The following KIF13A variants were observed in gnomAD, a reference collection of about 807,000 sequenced individuals.
KIF13A encodes the protein kinesin-like protein KIF13A.
KIF13A carries 79 observed loss-of-function variants against 212.2 expected under a neutral mutation model. The observed-to-expected ratio is 0.37, with a 90% CI of 0.31 to 0.45. KIF13A has a LOEUF of 0.45. KIF13A is among the 20% of genes least tolerant of loss of function. The pLI is 1.00. For missense variants in KIF13A, 1,901 were observed against 2,209.0 expected (o/e 0.86, Z 2.79); for synonymous variants, 789 against 808.6 (o/e 0.98, Z 0.41).
rs78745793 is a variant in KIF13A, at chr6:17,844,854, C to T, written c.830+4523G>A. Among the ~76,000 whole-genome samples, 991 of 152,234 alleles carry T rather than the reference C, an allele frequency of 6.5e-3. 14 individuals are homozygous for T. Among genetic ancestry groups the T allele is most frequent in the African/African-American group, 0.022 (915 of 41,544 alleles). On this transcript the variant is annotated intron_variant, in intron 9 of 38. Transcript: ENST00000259711. ...AGAAGTAAGCCATTTTATTTTTCTC[C>T]CTCAATACAAATTCATGTTTTGTTA...
rs1322769156 is a variant in KIF13A, at chr6:17,839,735, G to A, written c.831-2152C>T. On this transcript the variant is annotated intron_variant, in intron 9 of 38. Coordinates refer to ENST00000259711, the MANE Select transcript of KIF13A (RefSeq NM_022113.6). The surrounding 1 kb of genome is among the most constrained non-coding windows in gnomAD (Gnocchi z 4.3). ...AGGTCATATAAAGACACCCAGGGGA[G>A]ACGGCCACGTGAAGATGCAGGCAGA... 6.6e-6 allele frequency among the ~76,000 whole-genome samples: 1 copy of A among 152,126 alleles called. No homozygotes were observed. The highest frequency in any genetic ancestry group is 1.5e-5 in the Non-Finnish European group (1 of 68,030).
chr6:17,861,403 TGAATAATG>T (rs66560056), intron 4 of KIF13A, among the ~76,000 whole-genome samples: 60,254 of 151,586 alleles, frequency 0.4, 12,515 homozygotes, highest in East Asian at 0.58. Context: ...TTCCATTGTA[TGAATAATG>T]GATGCAATCA....
rs1432845228 is a variant in KIF13A, at chr6:17,808,857, C to T, written c.2074G>A (p.Ala692Thr). 1 of 1,613,682 alleles carries T rather than the reference C, an allele frequency of 6.2e-7. No individual in the cohort carries two copies. Among genetic ancestry groups the T allele is most frequent in the African/African-American group, 1.3e-5 (1 of 74,940 alleles). Reference protein sequence around the residue: ...LVKANTLVREANFLAEEMSKL... With the variant: ...LVKANTLVRETNFLAEEMSKL... The stretch of plus-strand genomic sequence containing the variant: ...CTCATTTCCTCAGCCAGGAAGTTTG[C>T]TTCCCTCACCAAGGTATTAGCTTTA... The change falls in exon 18 of 39, where the codon GCA becomes ACA. Residue 692 changes from alanine to threonine, a missense_variant. Ala to Thr is a moderately conservative substitution (Grantham distance 58). This residue lies in a region of KIF13A where 534 missense variants were observed against 536.9 expected (regional missense o/e 0.99). Transcript: ENST00000259711.
At chr6:17,860,121 C>CA (rs1445035940) in intron 4 of KIF13A, among the ~76,000 whole-genome samples, 2 of 152,158 alleles carry the variant, frequency 1.3e-5, no homozygotes. Context: ...CACTGGCAAT[C>CA]AGTTGCTCTC....
chr6:17,959,626 G>T (rs1038653270), intron 2 of KIF13A, among the ~76,000 whole-genome samples: 1 of 152,132 alleles, frequency 6.6e-6, no homozygotes, highest in Non-Finnish European at 1.5e-5. Context: ...TCCTCTTCAG[G>T]CAGAATTGAT....
intron 2 of KIF13A, among the ~76,000 whole-genome samples, chr6:17,960,582 T>C (rs1778731757): frequency 6.6e-6 from 1 of 152,094 alleles, no homozygotes; most frequent in Admixed American, 6.6e-5. Context: ...TCAGTTATAG[T>C]TGGGGTTGGG....
intron 16 of KIF13A, among the ~76,000 whole-genome samples, chr6:17,820,778 T>C (rs2150359011): frequency 6.6e-6 from 1 of 152,260 alleles, no homozygotes; most frequent in South Asian, 2.1e-4. Context: ...CTTTACTTAG[T>C]AGGTAACTAT....
intron 4 of KIF13A, among the ~76,000 whole-genome samples, chr6:17,865,007 C>A (rs1046285789): frequency 1.3e-5 from 2 of 152,126 alleles, no homozygotes; most frequent in Admixed American, 1.3e-4. Context: ...ACTGAAGAGG[C>A]ACAGGATAAA....
chr6:17,909,494 C>T (rs1163303082), intron 2 of KIF13A, among the ~76,000 whole-genome samples: 1 of 145,658 alleles, frequency 6.9e-6, no homozygotes, highest in Non-Finnish European at 1.5e-5. Flanking sequence ...AAGATCACGC[C>T]ACTGCACTCC....
In KIF13A at chr6:17,771,277, A is replaced by T; in HGVS notation, c.4477-59T>A. 1 of 1,071,570 alleles carries T rather than the reference A, an allele frequency of 9.3e-7. No homozygotes were observed. Among genetic ancestry groups the T allele is most frequent in the Non-Finnish European group, 1.4e-6 (1 of 705,334 alleles). The allele number at this position is 1,071,570 out of a possible 1,614,324, so 66.4% of individuals were successfully genotyped here. On this transcript the variant is annotated intron_variant, in intron 37 of 38. Coordinates refer to ENST00000259711, the MANE Select transcript of KIF13A (RefSeq NM_022113.6). The surrounding 1 kb of genome is among the most constrained non-coding windows in gnomAD (Gnocchi z 5.4). ...ACAAAGACGACAACGGCCAAAATAC[A>T]TATTAAGTACATGCAAGTTAGAAAA...
rs1779314299 is a variant in KIF13A at position 17,966,447 on chromosome 6, T to A, written c.146+20607A>T. On this transcript the variant is annotated intron_variant, in intron 2 of 38. Transcript: ENST00000259711. Reference sequence around the variant, plus strand: ...AGTTAATATTCAAGACTCTGAATTTTTTTTTTTTTTTTTTTTGACAGTGAG... The same window carrying A: ...AGTTAATATTCAAGACTCTGAATTTATTTTTTTTTTTTTTTTGACAGTGAG... 2.1e-5 allele frequency among the ~76,000 whole-genome samples: 3 copies of A among 146,042 alleles called. No homozygotes were observed. In the South Asian group the frequency reaches 6.4e-4, roughly 31 times the overall value.
chr6:17,918,755 T>A lies in KIF13A; in HGVS notation c.147-20575A>T, dbSNP rs987449724. On this transcript the variant is annotated intron_variant, in intron 2 of 38. Transcript: ENST00000259711. The surrounding 1 kb of genome is among the most constrained non-coding windows in gnomAD (Gnocchi z 4.8). ...CTCCTCAGAGGAGTGTTCCCCGTAC[T>A]CCCTACATTAATGTTGAGGCTGCCT... Among the ~76,000 whole-genome samples the A allele has an allele frequency of 6.6e-6, 1 of 152,100 alleles. No individual in the cohort carries two copies. Among genetic ancestry groups the A allele is most frequent in the African/African-American group, 2.4e-5 (1 of 41,414 alleles).
At chr6:17,938,557 T>C (rs1776673119) in intron 2 of KIF13A, among the ~76,000 whole-genome samples, 1 of 152,160 alleles carries the variant, frequency 6.6e-6, no homozygotes, top group South Asian at 2.1e-4. Context: ...TGCGGCAGCC[T>C]GGAAACATAT....
chr6:17,846,833 GC>G (rs1262442517), intron 9 of KIF13A, among the ~76,000 whole-genome samples: 1 of 152,156 alleles, frequency 6.6e-6, no homozygotes, highest in African/African-American at 2.4e-5. Context: ...TCTAGATGCT[GC>G]CTGGCAAACA....
In KIF13A at chr6:17,834,229, C is replaced by T. The variant is rs189075996; in HGVS notation, c.1156-158G>A. ...GGGTTTTTAACCTTTATTAATCAAA[C>T]GAATGTAAGAGAACATGGCTGTTCC... On this transcript the variant is annotated intron_variant, in intron 11 of 38. Transcript: ENST00000259711. This position sits in a 1 kb window ranked among gnomAD's most constrained non-coding sequence, Gnocchi z 4.0. 2.6e-3 allele frequency among the ~76,000 whole-genome samples: 402 copies of T among 152,196 alleles called. No individual in the cohort carries two copies. Among genetic ancestry groups the T allele is most frequent in the Non-Finnish European group, 3.9e-3 (268 of 68,002 alleles).
At position 17,777,177 on chromosome 6, in the gene KIF13A, G is replaced by A; in HGVS notation, c.4170+100C>T. On this transcript the variant is annotated intron_variant, in intron 34 of 38. Transcript: ENST00000259711. The surrounding 1 kb of genome is among the most constrained non-coding windows in gnomAD (Gnocchi z 4.4). ...GCTACACTTTGGGATGCCCACACCAGTTCCATAAGCTCTACTGCCACTGTG... is the reference window on the plus strand; with the variant it reads ...GCTACACTTTGGGATGCCCACACCAATTCCATAAGCTCTACTGCCACTGTG... 1 of 916,438 alleles carries A rather than the reference G, an allele frequency of 1.1e-6. No individual in the cohort carries two copies. Among genetic ancestry groups the A allele is most frequent in the Admixed American group, 2.0e-5 (1 of 49,666 alleles). The allele number at this position is 916,438 out of a possible 1,614,324, so 56.8% of individuals were successfully genotyped here. A position where few individuals can be genotyped will look rare whatever the true frequency, so the allele number is the denominator to read the frequency against.
At position 17,815,239 on chromosome 6, in the gene KIF13A, G is replaced by A. The variant is rs115155044; in HGVS notation, c.2000+1781C>T. On this transcript the variant is annotated intron_variant, in intron 17 of 38. Transcript: ENST00000259711. ...TGCTATCGAGAAGGCAGAGCCAGGCGTACAGGGTGGAACATGAAAGCAGAC... is the reference window on the plus strand; with the variant it reads ...TGCTATCGAGAAGGCAGAGCCAGGCATACAGGGTGGAACATGAAAGCAGAC... Among the ~76,000 whole-genome samples, 842 of 152,314 alleles carry A rather than the reference G, an allele frequency of 5.5e-3. 7 individuals are homozygous for A. Among genetic ancestry groups the A allele is most frequent in the African/African-American group, 0.017 (727 of 41,564 alleles).
intron 16 of KIF13A, among the ~76,000 whole-genome samples, chr6:17,824,549 G>A (rs1473705627): frequency 6.6e-6 from 1 of 151,872 alleles, no homozygotes; most frequent in African/African-American, 2.4e-5. Context: ...CACGAGGTCG[G>A]GAGATTGAGA....
At chr6:17,913,198 G>C (rs1774220505) in intron 2 of KIF13A, among the ~76,000 whole-genome samples, 1 of 133,310 alleles carries the variant, frequency 7.5e-6, no homozygotes, top group Non-Finnish European at 1.7e-5. Context: ...GAATAGCAAA[G>C]GGCAGGCAGG....
Sources: allele counts gnomAD v4.1 joint callset (sites outside exome capture counted in the v4.1 genomes callset), GRCh38; gene constraint gnomAD v4.1.1; regional missense constraint gnomAD v4.1.1; non-coding constraint Gnocchi (gnomAD v3.1); transcripts MANE v1.5; gene names NCBI Gene and HGNC (gene_info 2026-07-23, HGNC 2026-07-21).